RNF14: variants seen among roughly 807,000 people sequenced by gnomAD.
The protein encoded by RNF14 is ring finger protein 14.
In RNF14, 26 loss-of-function variants were observed where a neutral mutation model predicts 52.6. That is an observed-to-expected ratio of 0.49 (90% CI 0.36 to 0.69). RNF14 has a LOEUF of 0.69. Ranked by LOEUF, RNF14 falls within the 30% of genes least tolerant of loss-of-function variation. RNF14 has a pLI of 0.00. For missense variants in RNF14, 404 were observed against 560.4 expected, an observed-to-expected ratio of 0.72 and a Z score of 2.82; for synonymous variants, 194 against 202.0, an observed-to-expected ratio of 0.96 and a Z score of 0.34.
At chr5:141,956,262 G>C (rs150674592), upstream of RNF14, 20 of 1,614,232 alleles carry the variant, frequency 1.2e-5, no homozygotes, top group South Asian at 2.0e-4. Context: ...GGAACTCAAA[G>C]CCGGCCATCT....
At position 141,978,825 on chromosome 5, in the gene RNF14, G is replaced by A. The variant is rs141717987; in HGVS notation, c.829G>A (p.Gly277Ser). Residue 277 changes from glycine to serine, a missense_variant, in exon 5 of 9, where the codon GGT becomes AGT. Coordinates refer to ENST00000394520, the MANE Select transcript of RNF14 (RefSeq NM_004290.5). Reference sequence around the variant, plus strand: ...AAAGTGCCCTTCGGTGGCCACTCCTGGTCAGGTAACTGTTTACCCTGCTGA... The same window carrying A: ...AAAGTGCCCTTCGGTGGCCACTCCTAGTCAGGTAACTGTTTACCCTGCTGA... ...EPKCPSVATP[G>S]QVKELVEAEL... 2,624 of 1,613,056 alleles carry A rather than the reference G, an allele frequency of 1.6e-3. 29 individuals carry two copies. In the Admixed American group the frequency reaches 0.017, roughly 11 times the overall value.
chr5:141,969,751 T>A (rs956408837), intron 1 of RNF14: 21 of 152,386 alleles, frequency 1.4e-4, no homozygotes, highest in Admixed American at 1.3e-3. Context: ...CTTGGAAAAC[T>A]ACTGAGGCCT....
intron 1 of RNF14, among the ~76,000 whole-genome samples, chr5:141,961,383 C>T (rs1753274290): frequency 6.6e-6 from 1 of 152,080 alleles, no homozygotes; most frequent in Non-Finnish European, 1.5e-5. Flanking sequence ...CAAACAAGGC[C>T]CCAGACTTTT....
Position 141,982,507 on chromosome 5 carries a change from T to G in RNF14, c.1064-873T>G, listed in dbSNP as rs535036470. ...GAGGAAAGTAAACTGATAAAATAAC[T>G]AGAACATTGTTGAGAAAACTCTTTA... On this transcript the variant is annotated intron_variant, in intron 6 of 8. Coordinates refer to ENST00000394520, the MANE Select transcript of RNF14 (RefSeq NM_004290.5). The G allele has an allele frequency of 2.0e-5, 3 of 152,316 alleles. No individual in the cohort carries two copies. The South Asian group carries it at 6.2e-4, about 32-fold the overall frequency. The allele number at this position is 152,316 out of a possible 1,614,324, so 9.4% of individuals were successfully genotyped here. A position where few individuals can be genotyped will look rare whatever the true frequency, so the allele number is the denominator to read the frequency against.
At chr5:141,975,258 AAG>A (rs900423002) in intron 4 of RNF14, among the ~76,000 whole-genome samples, 2 of 152,222 alleles carry the variant, frequency 1.3e-5, no homozygotes, top group African/African-American at 2.4e-5. Context: ...AATGGAGACT[AAG>A]AGGTCTTCCT....
chr5:141,964,016 T>C (rs1218382061), upstream of RNF14, among the ~76,000 whole-genome samples: 3 of 152,208 alleles, frequency 2.0e-5, no homozygotes, highest in South Asian at 4.1e-4. Flanking sequence ...TTCACTGTTA[T>C]TCAGGGGAAT....
upstream of RNF14, chr5:141,956,619 C>T (rs1362829196): frequency 2.5e-6 from 4 of 1,614,212 alleles, no homozygotes; most frequent in East Asian, 4.5e-5. Context: ...TGGTTAGCAA[C>T]ATGTATGTGT....
At chr5:141,951,459 C>A in the RNF14 span, 2 of 1,545,076 alleles carry the variant, frequency 1.3e-6, no homozygotes, top group African/African-American at 1.4e-5. Flanking sequence ...CAGTAGGGGC[C>A]TTGAGATGCC....
chr5:141,987,398 G>A (rs113992342), intron 8 of RNF14, among the ~76,000 whole-genome samples: 105 of 152,290 alleles, frequency 6.9e-4, no homozygotes, highest in African/African-American at 2.5e-3. Context: ...CATTGCTGGA[G>A]TGGTGTGGCT....
At chr5:141,970,098 A>G (rs768116346) in intron 1 of RNF14, among the ~76,000 whole-genome samples, 8 of 152,196 alleles carry the variant, frequency 5.3e-5, no homozygotes, top group African/African-American at 4.8e-5. Context: ...GGTTTTGTAT[A>G]TAGTATTTTT....
At chr5:141,954,928 G>A (rs1336224155), upstream of RNF14, 2 of 1,558,590 alleles carry the variant, frequency 1.3e-6, no homozygotes, top group Non-Finnish European at 1.7e-6. Flanking sequence ...TGTTTCTGGT[G>A]GTCCAGGAGT....
chr5:141,985,073 A>G, intron 8 of RNF14, 140 bp downstream of exon 8: 2 of 758,956 alleles, frequency 2.6e-6, no homozygotes, highest in Non-Finnish European at 4.2e-6. Context: ...AGGAATTTTC[A>G]TATTATTTTC....
chr5:141,981,426 G>A lies in RNF14; in HGVS notation c.1063+1075G>A, dbSNP rs1030011841. Among the ~76,000 whole-genome samples the A allele has an allele frequency of 8.5e-5, 13 of 152,224 alleles. No homozygotes were observed. In the East Asian group the frequency reaches 1.2e-3, roughly 14 times the overall value. ...CTCAGTTGAGACTAGCTTGGGCAAC[G>A]TAGTGAGACTCTGCTTCTAAAAAAA... On this transcript the variant is annotated intron_variant, in intron 6 of 8. Coordinates refer to ENST00000394520, the MANE Select transcript of RNF14 (RefSeq NM_004290.5).
At chr5:141,980,031 C>A (rs1463178259) in intron 5 of RNF14, 92 bp from the exon 6 acceptor site, 2 of 937,540 alleles carry the variant, frequency 2.1e-6, no homozygotes, top group Admixed American at 1.8e-5. Flanking sequence ...TTTATGTGCC[C>A]ATCTGGTTTA....
chr5:141,978,919 G>A (rs1338524150), intron 5 of RNF14, 89 bp downstream of exon 5: 3 of 1,441,024 alleles, frequency 2.1e-6, no homozygotes, highest in Non-Finnish European at 2.8e-6. Flanking sequence ...AGGGCTCATG[G>A]GGCAGTCCGA....
intron 7 of RNF14, among the ~76,000 whole-genome samples, chr5:141,983,858 T>TA (rs544203463): frequency 6.6e-6 from 1 of 152,028 alleles, no homozygotes; most frequent in East Asian, 1.9e-4. Flanking sequence ...TCTATGTGAT[T>TA]AAAAAAAATC....
rs1284125079 is a variant in RNF14, at chr5:141,987,804, A to G, written c.*14A>G. The stretch of plus-strand genomic sequence containing the variant: ...GTAGAAGACTAGTTAACTACTGCTC[A>G]AGATATGGAAGTGGATTGTTTTTCC... On this transcript the variant is annotated 3_prime_UTR_variant, in exon 9 of 9. Coordinates refer to ENST00000394520, the MANE Select transcript of RNF14 (RefSeq NM_004290.5). 1.2e-6 allele frequency: 2 copies of G among 1,610,874 alleles called. No individual in the cohort carries two copies. The highest frequency in any genetic ancestry group is 2.2e-5 in the East Asian group (1 of 44,862).
Position 141,988,021 on chromosome 5 carries a change from T to G in RNF14, c.*231T>G. On this transcript the variant is annotated 3_prime_UTR_variant, in exon 9 of 9. Transcript: ENST00000394520. ...AAGCCAAAGGTTCAGAAAATTAAAC[T>G]ACAGAATATTAAATATTATAATGTG... 2.0e-6 allele frequency: 1 copy of G among 507,624 alleles called. No homozygotes were observed. Among genetic ancestry groups the G allele is most frequent in the East Asian group, 3.2e-5 (1 of 31,294 alleles). 31.4% of individuals were successfully genotyped at this position (507,624 alleles called of 1,614,324 possible). A position where few individuals can be genotyped will look rare whatever the true frequency, so the allele number is the denominator to read the frequency against.
upstream of RNF14, chr5:141,955,721 C>T (rs766038244): frequency 5.0e-6 from 8 of 1,613,968 alleles, no homozygotes; most frequent in East Asian, 1.8e-4. This position sits in a 1 kb window ranked among gnomAD's most constrained non-coding sequence, Gnocchi z 5.5. Flanking sequence ...ATGCTCAAGG[C>T]CCCAGGCTTG....
Sources: gnomAD v4.1 joint callset for allele counts (sites outside exome capture counted in the v4.1 genomes callset) on GRCh38, gnomAD v4.1.1 for gene constraint, Gnocchi (gnomAD v3.1) non-coding constraint, MANE v1.5 for transcripts, NCBI Gene and HGNC (gene_info 2026-07-23, HGNC 2026-07-21) for gene names.